DTD1: variants seen among roughly 807,000 people sequenced by gnomAD.
The protein encoded by DTD1 is D-tyrosyl-tRNA deacylase 1 homolog.
In DTD1, 13 loss-of-function variants were observed where a neutral mutation model predicts 25.6. The observed-to-expected ratio is 0.51, with a 90% CI of 0.33 to 0.81. The LOEUF (loss-of-function observed/expected upper bound fraction) is 0.81. Ranked by LOEUF, DTD1 falls within the 30% of genes least tolerant of loss-of-function variation. The probability of loss-of-function intolerance (pLI) is 0.02; values close to 1 mark genes in which losing one functional copy is unlikely to be tolerated. For missense variants in DTD1, 193 were observed against 266.4 expected (o/e 0.72, Z 1.92); for synonymous variants, 110 against 103.6 (o/e 1.06, Z -0.37).
At chr20:18,723,638 C>T (rs760126478) in intron 4 of DTD1, among the ~76,000 whole-genome samples, 6 of 152,262 alleles carry the variant, frequency 3.9e-5, no homozygotes, top group East Asian at 1.9e-4. Context: ...ATAATTCTGT[C>T]GGTGCAGGGT....
intron 4 of DTD1, among the ~76,000 whole-genome samples, chr20:18,674,063 C>T (rs1397035143): frequency 6.6e-6 from 1 of 151,996 alleles, no homozygotes; most frequent in Non-Finnish European, 1.5e-5. Context: ...TCTGTATTTC[C>T]CTGTGGATTT....
chr20:18,682,067 T>C (rs2060999772), intron 4 of DTD1, among the ~76,000 whole-genome samples: 1 of 152,184 alleles, frequency 6.6e-6, no homozygotes, highest in Non-Finnish European at 1.5e-5. Context: ...ACAGTGTTAT[T>C]TGAAGGTGGG....
In DTD1 at chr20:18,628,140, G is replaced by A. The variant is rs1363266327; in HGVS notation, c.384G>A (p.Gly128=). 1 of 1,613,422 alleles carries A rather than the reference G, an allele frequency of 6.2e-7. No homozygotes were observed. Among genetic ancestry groups the A allele is most frequent in the Non-Finnish European group, 8.5e-7 (1 of 1,179,546 alleles). Residue 128 remains glycine (G), a synonymous_variant, in exon 4 of 6, where the codon GGG becomes GGA. Transcript: ENST00000377452. ...TTGCTTTTTCAGATGGCAAGTTTGG[G>A]GCCTACATGCAGGTGCACATTCAGA... ...RPELIKDGKF[G]AYMQVHIQND...
chr20:18,633,002 A>G (rs1171363989), intron 4 of DTD1, among the ~76,000 whole-genome samples: 1 of 152,082 alleles, frequency 6.6e-6, no homozygotes, highest in Non-Finnish European at 1.5e-5. Flanking sequence ...GCAGCCGGGG[A>G]TAGATTTTGG....
chr20:18,643,849 G>C (rs1450590421), intron 4 of DTD1, among the ~76,000 whole-genome samples: 3 of 152,004 alleles, frequency 2.0e-5, no homozygotes, highest in African/African-American at 7.3e-5. Context: ...TTAGATTCAG[G>C]GTGTATGTGT....
At chr20:18,612,920 A>G (rs561145200) in intron 3 of DTD1, among the ~76,000 whole-genome samples, 4 of 152,152 alleles carry the variant, frequency 2.6e-5, no homozygotes, top group African/African-American at 9.6e-5. Flanking sequence ...CCGCCTCCCA[A>G]AGTGCTGGGA....
At chr20:18,684,742 A>G (rs1401708697) in intron 4 of DTD1, among the ~76,000 whole-genome samples, 1 of 152,142 alleles carries the variant, frequency 6.6e-6, no homozygotes, top group Non-Finnish European at 1.5e-5. Flanking sequence ...GGTTCAAGAA[A>G]AGTCTTTAAT....
chr20:18,601,575 C>T (rs2060635257), intron 3 of DTD1, among the ~76,000 whole-genome samples: 1 of 150,702 alleles, frequency 6.6e-6, no homozygotes, highest in Admixed American at 6.6e-5. Flanking sequence ...AGCTGGAGAT[C>T]TGAGAACCGG....
At position 18,588,099 on chromosome 20, in the gene DTD1, C is replaced by A; in HGVS notation, c.27C>A (p.Thr9=). 1 of 1,329,980 alleles carries A rather than the reference C, an allele frequency of 7.5e-7. No individual in the cohort carries two copies. The allele number at this position is 1,329,980 out of a possible 1,614,324, so 82.4% of individuals were successfully genotyped here. The change falls in exon 1 of 6, where the codon ACC becomes ACA. Residue 9 remains threonine (T), a synonymous_variant. Coordinates refer to ENST00000377452, the MANE Select transcript of DTD1 (RefSeq NM_080820.6). MKAVVQRV[T]RASVTVGGEQ... is the part of the protein sequence containing the mutation. Reference sequence around the variant, plus strand: ...TGAAGGCCGTGGTGCAGCGCGTCACCCGGGCCAGCGTCACAGGTCAGTCGG... The same window carrying A: ...TGAAGGCCGTGGTGCAGCGCGTCACACGGGCCAGCGTCACAGGTCAGTCGG...
intron 4 of DTD1, among the ~76,000 whole-genome samples, chr20:18,686,648 G>GTGTGTT (rs1285253884): frequency 9.5e-6 from 1 of 105,692 alleles, no homozygotes; most frequent in Non-Finnish European, 2.1e-5. Flanking sequence ...TTTATTAGCT[G>GTGTGTT]TGTGTGTGTG....
intron 4 of DTD1, among the ~76,000 whole-genome samples, chr20:18,718,426 G>T (rs1030941485): frequency 6.6e-6 from 1 of 152,204 alleles, no homozygotes; most frequent in Non-Finnish European, 1.5e-5. Context: ...TAGAGCCTGG[G>T]ATTCCAGAGG....
At chr20:18,678,810 C>T (rs985178487) in intron 4 of DTD1, 1 of 152,184 alleles carries the variant, frequency 6.6e-6, no homozygotes, top group Non-Finnish European at 1.5e-5. Flanking sequence ...CCCTCCCCTG[C>T]TCACCCCACA....
rs1222905837 is a variant in DTD1 at position 18,749,671 on chromosome 20, C to T, written c.*19+5400C>T. Among the ~76,000 whole-genome samples, 1 of 152,172 alleles carries T rather than the reference C, an allele frequency of 6.6e-6. No individual in the cohort carries two copies. Among genetic ancestry groups the T allele is most frequent in the East Asian group, 1.9e-4 (1 of 5,190 alleles). ...CCAGAGAGGGCCTTGGGTCCCTGAG[C>T]AAGAGACACCAAACTTCAAGTAGCC... On this transcript the variant is annotated intron_variant, in intron 5 of 5. Transcript: ENST00000377452. The surrounding 1 kb of genome is among the most constrained non-coding windows in gnomAD (Gnocchi z 4.2).
At chr20:18,592,024 G>A (rs1484370960) in intron 1 of DTD1, among the ~76,000 whole-genome samples, 1 of 152,220 alleles carries the variant, frequency 6.6e-6, no homozygotes, top group Admixed American at 6.5e-5. Flanking sequence ...GATGTGCTCT[G>A]CTGGGATCTG....
At chr20:18,688,127 G>T (rs756684200) in intron 4 of DTD1, among the ~76,000 whole-genome samples, 1 of 152,126 alleles carries the variant, frequency 6.6e-6, no homozygotes, top group African/African-American at 2.4e-5. Flanking sequence ...TGAAGCTAAA[G>T]TTATGTCAGT....
At position 18,651,941 on chromosome 20, in the gene DTD1, T is replaced by C. The variant is rs528153884; in HGVS notation, c.477+23708T>C. On this transcript the variant is annotated intron_variant, in intron 4 of 5. Coordinates refer to ENST00000377452, the MANE Select transcript of DTD1 (RefSeq NM_080820.6). Reference sequence around the variant, plus strand: ...CACTTATTTAAAGTGGACAGAATGCTTTCCAGGGTATGTGTCCAGAGGATG... The same window carrying C: ...CACTTATTTAAAGTGGACAGAATGCCTTCCAGGGTATGTGTCCAGAGGATG... Among the ~76,000 whole-genome samples the C allele has an allele frequency of 6.6e-5, 10 of 152,330 alleles. No individual in the cohort carries two copies. The South Asian group carries it at 2.1e-3, about 32-fold the overall frequency.
intron 4 of DTD1, among the ~76,000 whole-genome samples, chr20:18,668,366 A>G (rs1194674004): frequency 6.6e-6 from 1 of 152,208 alleles, no homozygotes; most frequent in Non-Finnish European, 1.5e-5. Context: ...CACACATGAT[A>G]AACAGGTCAG....
At chr20:18,733,483 T>C (rs778169372) in intron 4 of DTD1, among the ~76,000 whole-genome samples, 1 of 152,124 alleles carries the variant, frequency 6.6e-6, no homozygotes, top group East Asian at 1.9e-4. Context: ...GCTACACTGA[T>C]AGGGAAACAC....
intron 4 of DTD1, chr20:18,632,426 A>G: frequency 1.0e-6 from 1 of 985,454 alleles, no homozygotes; most frequent in South Asian, 4.7e-5. Context: ...GGCCTGTGTT[A>G]GGTTGGTGCT....
Sources: allele counts gnomAD v4.1 joint callset (sites outside exome capture counted in the v4.1 genomes callset), GRCh38; gene constraint gnomAD v4.1.1; non-coding constraint Gnocchi (gnomAD v3.1); transcripts MANE v1.5; gene names NCBI Gene and HGNC (gene_info 2026-07-23, HGNC 2026-07-21).